Variants in RIN3 observed in about 807,000 individuals in gnomAD.
The protein encoded by RIN3 is RAB5 interacting protein 3.
Under a neutral mutation model 76.3 loss-of-function variants are expected in RIN3, and 54 were observed. The observed-to-expected ratio is 0.71, with a 90% CI of 0.57 to 0.89. The LOEUF (loss-of-function observed/expected upper bound fraction) is 0.89. Among genes scored for constraint, RIN3 ranks in the 40% least tolerant of loss-of-function variants. The pLI is 0.00. For missense variants in RIN3, 1,256 were observed against 1,322.1 expected, an observed-to-expected ratio of 0.95 and a Z score of 0.78; for synonymous variants, 576 against 564.0, an observed-to-expected ratio of 1.02 and a Z score of -0.30.
chr14:92,536,261 A>T (rs61977349), intron 1 of RIN3, among the ~76,000 whole-genome samples: 7,832 of 152,204 alleles, frequency 0.051, 272 homozygotes, highest in Non-Finnish European at 0.076. Context: ...CTGGGATTGC[A>T]CTGATGCTGT....
At chr14:92,655,597 C>T (rs562196041) in intron 6 of RIN3, among the ~76,000 whole-genome samples, 43 of 152,192 alleles carry the variant, frequency 2.8e-4, no homozygotes, top group Non-Finnish European at 5.1e-4. Context: ...TCACTCTGGC[C>T]GTCACACCTA....
At chr14:92,646,779 T>C (rs1887217532) in intron 5 of RIN3, among the ~76,000 whole-genome samples, 1 of 152,200 alleles carries the variant, frequency 6.6e-6, no homozygotes, top group Admixed American at 6.5e-5. Flanking sequence ...CAGAAAAGGC[T>C]GAGGATGAAA....
chr14:92,618,877 A>G (rs1886068006), intron 4 of RIN3, among the ~76,000 whole-genome samples: 1 of 152,226 alleles, frequency 6.6e-6, no homozygotes, highest in Non-Finnish European at 1.5e-5. Flanking sequence ...AGGACTCAGG[A>G]AGGACAAGGT....
intron 2 of RIN3, among the ~76,000 whole-genome samples, chr14:92,566,751 A>G (rs1378020273): frequency 6.6e-6 from 1 of 152,234 alleles, no homozygotes; most frequent in Non-Finnish European, 1.5e-5. Context: ...GTTTGGCTCC[A>G]GAGCATGCGG....
intron 4 of RIN3, among the ~76,000 whole-genome samples, chr14:92,627,492 C>T (rs1474184418): frequency 1.3e-5 from 2 of 152,208 alleles, no homozygotes; most frequent in African/African-American, 4.8e-5. Flanking sequence ...ACAAGCAGCA[C>T]CGCAAGCAGT....
rs751275445 is a variant in RIN3, at chr14:92,555,858, G to A, written c.152G>A (p.Ser51Asn). ...TGCCTTCCTCACCGCCGGGGCATCA[G>A]CATCCTGGAGAAGCTCATCAAAACA... ...KNCLPHRRGI[S>N]ILEKLIKTCP... is the part of the protein sequence containing the mutation. Residue 51 changes from serine (S) to asparagine (N), a missense_variant, in exon 2 of 10, where the codon AGC becomes AAC. By Grantham distance (46) the Ser-to-Asn change is conservative. Around this residue, in one of 3 missense-constraint regions of RIN3, gnomAD observed 610 missense variants for 626.4 expected, o/e 0.97. Coordinates refer to ENST00000216487, the MANE Select transcript of RIN3 (RefSeq NM_024832.5). 1 of 1,614,196 alleles carries A rather than the reference G, an allele frequency of 6.2e-7. No homozygotes were observed. Among genetic ancestry groups the A allele is most frequent in the South Asian group, 1.1e-5 (1 of 91,090 alleles).
At chr14:92,515,543 A>T in intron 1 of RIN3, 1 of 449,712 alleles carries the variant, frequency 2.2e-6, no homozygotes, top group Non-Finnish European at 3.9e-6. Flanking sequence ...AGGACTAAAT[A>T]CACAGAGTTG....
intron 2 of RIN3, among the ~76,000 whole-genome samples, chr14:92,564,252 C>T (rs1297625385): frequency 2.6e-5 from 4 of 152,150 alleles, no homozygotes; most frequent in African/African-American, 4.8e-5. Context: ...AAGAGGGGAG[C>T]GTGGTGGCTG....
rs536815823 is a variant in RIN3, at chr14:92,570,952, C to G, written c.250-6408C>G. On this transcript the variant is annotated intron_variant, in intron 2 of 9. Coordinates refer to ENST00000216487, the MANE Select transcript of RIN3 (RefSeq NM_024832.5). ...AATTAAGTTTAGCCTAACGCTGCCTCTTTACATATTTGAAGTTCTGTCTAA... is the reference window on the plus strand; with the variant it reads ...AATTAAGTTTAGCCTAACGCTGCCTGTTTACATATTTGAAGTTCTGTCTAA... Among the ~76,000 whole-genome samples, 5 of 152,350 alleles carry G rather than the reference C, an allele frequency of 3.3e-5. No individual in the cohort carries two copies. The South Asian group carries it at 1.0e-3, about 32-fold the overall frequency.
At chr14:92,633,708 G>C (rs1886669572) in intron 4 of RIN3, among the ~76,000 whole-genome samples, 1 of 152,184 alleles carries the variant, frequency 6.6e-6, no homozygotes, top group African/African-American at 2.4e-5. Context: ...TTGATTGCTA[G>C]TGTTGGAAAA....
intron 7 of RIN3, among the ~76,000 whole-genome samples, chr14:92,665,720 GT>G (rs34989567): frequency 0.36 from 53,899 of 148,886 alleles, 9,851 homozygotes; most frequent in East Asian, 0.44. Context: ...GAAGGATACT[GT>G]TTTTTTTCCC....
At chr14:92,523,607 G>C (rs553653682) in intron 1 of RIN3, among the ~76,000 whole-genome samples, 2 of 152,338 alleles carry the variant, frequency 1.3e-5, no homozygotes, top group South Asian at 4.1e-4. Flanking sequence ...GGAGAGAGAA[G>C]AGGCAGCTTT....
At position 92,652,138 on chromosome 14, in the gene RIN3, A is replaced by G; in HGVS notation, c.1089A>G (p.Ala363=). ...PLREEAMKPG[A]ASSPLQQVPA... is the part of the protein sequence containing the mutation. ...GGGAGGAAGCGATGAAGCCAGGGGC[A>G]GCCTCCAGTCCCTTGCAGCAGGTCC... Residue 363 remains alanine, a synonymous_variant, in exon 6 of 10, where the codon GCA becomes GCG. Transcript: ENST00000216487. This position sits in a 1 kb window ranked among gnomAD's most constrained non-coding sequence, Gnocchi z 6.4. 1.9e-6 allele frequency: 3 copies of G among 1,608,318 alleles called. No individual in the cohort carries two copies. Among genetic ancestry groups the G allele is most frequent in the Non-Finnish European group, 2.5e-6 (3 of 1,178,756 alleles).
intron 1 of RIN3, among the ~76,000 whole-genome samples, chr14:92,541,279 T>G (rs1897126910): frequency 1.4e-5 from 2 of 146,872 alleles, no homozygotes; most frequent in Admixed American, 7.0e-5. Flanking sequence ...CAAATTAATT[T>G]CCCAAAAGCA....
chr14:92,650,206 C>T (rs867525282), intron 5 of RIN3, among the ~76,000 whole-genome samples: 1 of 152,182 alleles, frequency 6.6e-6, no homozygotes, highest in Non-Finnish European at 1.5e-5. Context: ...TCGCAAGTTC[C>T]TATGAAGGAA....
chr14:92,558,767 G>A lies in RIN3; in HGVS notation c.249+2812G>A, dbSNP rs570516768. Reference sequence around the variant, plus strand: ...ACATCTCGTGGTTATCCCACCGGAAGGGTGAGGGAGCTGTGTATTATTCAC... The same window carrying A: ...ACATCTCGTGGTTATCCCACCGGAAAGGTGAGGGAGCTGTGTATTATTCAC... On this transcript the variant is annotated intron_variant, in intron 2 of 9. Transcript: ENST00000216487. Among the ~76,000 whole-genome samples the A allele has an allele frequency of 3.9e-5, 6 of 152,382 alleles. No individual in the cohort carries two copies. In the South Asian group the frequency reaches 1.2e-3, roughly 32 times the overall value.
At position 92,688,681 on chromosome 14, in the gene RIN3, TCC is replaced by T; in HGVS notation, c.*432_*433del. The T allele has an allele frequency of 5.5e-6, 1 of 181,926 alleles. No homozygotes were observed. Among genetic ancestry groups the T allele is most frequent in the Non-Finnish European group, 1.1e-5 (1 of 87,104 alleles). 11.3% of individuals were successfully genotyped at this position (181,926 alleles called of 1,614,324 possible). On this transcript the variant is annotated 3_prime_UTR_variant, in exon 10 of 10. Transcript: ENST00000216487. Reference sequence around the variant, plus strand: ...AGGAAGGAGCACCGGCCACAGCTGCTCCCCGTGCCACTCAGGGTGGACCCAGC... The same window carrying T: ...AGGAAGGAGCACCGGCCACAGCTGCTCCGTGCCACTCAGGGTGGACCCAGC...
chr14:92,579,619 G>A (rs1898373085), intron 3 of RIN3, among the ~76,000 whole-genome samples: 1 of 152,246 alleles, frequency 6.6e-6, no homozygotes, highest in Admixed American at 6.5e-5. Context: ...GTAAATGGAA[G>A]CCTTTCACCC....
At chr14:92,587,016 G>T (rs986579187) in intron 3 of RIN3, among the ~76,000 whole-genome samples, 1 of 152,226 alleles carries the variant, frequency 6.6e-6, no homozygotes, top group Admixed American at 6.5e-5. Context: ...TCTGTTGGGG[G>T]AGAGGTAGAT....
Sources: gnomAD v4.1 joint callset for allele counts (sites outside exome capture counted in the v4.1 genomes callset) on GRCh38, gnomAD v4.1.1 for gene constraint, gnomAD v4.1.1 regional missense constraint, Gnocchi (gnomAD v3.1) non-coding constraint, MANE v1.5 for transcripts, NCBI Gene and HGNC (gene_info 2026-07-23, HGNC 2026-07-21) for gene names.